The following MTUS2 variants were observed in gnomAD, a reference collection of about 807,000 sequenced individuals.
MTUS2 encodes microtubule-associated tumor suppressor candidate 2.
In MTUS2, 40 loss-of-function variants were observed where a neutral mutation model predicts 114.1. That is an observed-to-expected ratio of 0.35 (90% CI 0.27 to 0.46). MTUS2 has a LOEUF of 0.46. Ranked by LOEUF, MTUS2 falls within the 20% of genes least tolerant of loss-of-function variation. MTUS2 has a pLI of 1.00. For missense variants in MTUS2, 1,679 were observed against 1,705.4 expected, an observed-to-expected ratio of 0.98 and a Z score of 0.27; for synonymous variants, 688 against 672.0, an observed-to-expected ratio of 1.02 and a Z score of -0.37.
chr13:28,867,551 A>T (rs1877374170), intron 2 of MTUS2, among the ~76,000 whole-genome samples: 1 of 152,198 alleles, frequency 6.6e-6, no homozygotes, highest in African/African-American at 2.4e-5. Context: ...AACATATCCA[A>T]GGGAGGGAAA....
intron 4 of MTUS2, among the ~76,000 whole-genome samples, chr13:29,035,943 G>C (rs1335997579): frequency 6.6e-6 from 1 of 151,960 alleles, no homozygotes; most frequent in Non-Finnish European, 1.5e-5. Flanking sequence ...CCAGGAGTTT[G>C]AGACCAGCCT....
chr13:28,917,003 A>T (rs2935189), intron 2 of MTUS2, among the ~76,000 whole-genome samples: 34,283 of 151,766 alleles, frequency 0.23, 6,753 homozygotes, highest in African/African-American at 0.53. Context: ...TCAAATACAT[A>T]TTCAGTATCA....
At chr13:29,329,964 G>A (rs2138051093) in intron 7 of MTUS2, among the ~76,000 whole-genome samples, 1 of 152,270 alleles carries the variant, frequency 6.6e-6, no homozygotes, top group Non-Finnish European at 1.5e-5. Context: ...TATATATCCA[G>A]TAATGGAATT....
chr13:29,247,594 T>G (rs1196840657), intron 5 of MTUS2, among the ~76,000 whole-genome samples: 1 of 151,850 alleles, frequency 6.6e-6, no homozygotes, highest in Non-Finnish European at 1.5e-5. Context: ...GCAAAAGACA[T>G]AAATAGACAA....
Position 29,409,747 on chromosome 13 carries a change from A to G in MTUS2, c.3118-30236A>G, listed in dbSNP as rs116132827. Among the ~76,000 whole-genome samples the G allele has an allele frequency of 6.6e-3, 1,000 of 150,824 alleles. 13 individuals are homozygous for G. The highest frequency in any genetic ancestry group is 0.023 in the African/African-American group (956 of 41,168). ...CATCCTGCCTTCTTTGCTTTACAAT[A>G]TACTCTGGAAATCATGCCAGATAAG... On this transcript the variant is annotated intron_variant, in intron 8 of 15. Coordinates refer to ENST00000612955, the MANE Select transcript of MTUS2 (RefSeq NM_001033602.4).
At chr13:29,243,143 G>T (rs1896790262) in intron 5 of MTUS2, among the ~76,000 whole-genome samples, 1 of 152,208 alleles carries the variant, frequency 6.6e-6, no homozygotes, top group Non-Finnish European at 1.5e-5. Flanking sequence ...CGAAATCAAA[G>T]CTAGAAATAT....
At chr13:29,491,710 A>ATG (rs36231038) in intron 11 of MTUS2, among the ~76,000 whole-genome samples, 83,319 of 131,946 alleles carry the variant, frequency 0.63, 24,460 homozygotes, top group Non-Finnish European at 0.7. Flanking sequence ...TATTCGTGTG[A>ATG]TGTGTGTGGT....
intron 5 of MTUS2, among the ~76,000 whole-genome samples, chr13:29,169,995 A>G (rs1893485171): frequency 6.6e-6 from 1 of 152,202 alleles, no homozygotes; most frequent in Admixed American, 6.5e-5. Context: ...GTTGTTTGCT[A>G]ATGTTGATAT....
chr13:29,072,324 T>TA (rs1452618837), intron 4 of MTUS2, among the ~76,000 whole-genome samples: 1 of 152,196 alleles, frequency 6.6e-6, no homozygotes, highest in Non-Finnish European at 1.5e-5. Context: ...TTAGAGAGGA[T>TA]AAAAATACCT....
intron 2 of MTUS2, among the ~76,000 whole-genome samples, chr13:29,007,033 A>G (rs1885631819): frequency 6.6e-6 from 1 of 152,182 alleles, no homozygotes; most frequent in Admixed American, 6.5e-5. Flanking sequence ...TTTCAGCAAG[A>G]ACGTCCAATC....
In MTUS2 at chr13:29,505,749, GC is replaced by G. The variant is rs567062574; in HGVS notation, c.*2549del. The G allele has an allele frequency of 3.1e-5, 7 of 229,012 alleles. No individual in the cohort carries two copies. Among genetic ancestry groups the G allele is most frequent in the South Asian group, 1.8e-4 (1 of 5,486 alleles). 14.2% of individuals were successfully genotyped at this position (229,012 alleles called of 1,614,324 possible). A position where few individuals can be genotyped will look rare whatever the true frequency, so the allele number is the denominator to read the frequency against. ...CATTTGGGAGATGCGTGGGCGGCCT[GC>G]CCCCCGACCGCCGCCCCTGCCCACC... On this transcript the variant is annotated 3_prime_UTR_variant, in exon 16 of 16. Coordinates refer to ENST00000612955, the MANE Select transcript of MTUS2 (RefSeq NM_001033602.4).
chr13:29,314,628 A>T (rs1275684081), intron 6 of MTUS2, among the ~76,000 whole-genome samples: 1 of 152,202 alleles, frequency 6.6e-6, no homozygotes, highest in African/African-American at 2.4e-5. Flanking sequence ...ATATCTATGG[A>T]GATGAATAGA....
intron 2 of MTUS2, among the ~76,000 whole-genome samples, chr13:29,009,518 G>A (rs1013513381): frequency 2.0e-5 from 3 of 152,154 alleles, no homozygotes; most frequent in African/African-American, 7.2e-5. Flanking sequence ...TTCTGGAAAA[G>A]ACAAAACTAT....
intron 2 of MTUS2, among the ~76,000 whole-genome samples, chr13:28,892,958 T>C (rs1879021674): frequency 6.6e-6 from 1 of 152,114 alleles, no homozygotes; most frequent in Non-Finnish European, 1.5e-5. Flanking sequence ...ATGTGGAATT[T>C]AGATGTGAGG....
chr13:29,041,329 A>C (rs9550434), intron 4 of MTUS2, among the ~76,000 whole-genome samples: 1 of 152,142 alleles, frequency 6.6e-6, no homozygotes, highest in African/African-American at 2.4e-5. Flanking sequence ...TACCAGCACC[A>C]TACTGTTTTG....
At chr13:29,194,474 G>C (rs1208428491) in intron 5 of MTUS2, among the ~76,000 whole-genome samples, 2 of 152,116 alleles carry the variant, frequency 1.3e-5, no homozygotes, top group African/African-American at 4.8e-5. Flanking sequence ...CATTTTTGCA[G>C]CCAAAAAACA....
chr13:29,122,459 T>C (rs1218106453), intron 5 of MTUS2, among the ~76,000 whole-genome samples: 1 of 152,098 alleles, frequency 6.6e-6, no homozygotes, highest in Non-Finnish European at 1.5e-5. Context: ...AAAAGCCCCT[T>C]ACAAAACCAT....
At chr13:29,256,615 T>C (rs1038111266) in intron 5 of MTUS2, among the ~76,000 whole-genome samples, 1 of 152,258 alleles carries the variant, frequency 6.6e-6, no homozygotes, top group Non-Finnish European at 1.5e-5. Flanking sequence ...TCATATTTCA[T>C]TGGCTAAAAA....
At chr13:28,899,586 A>G (rs1879510534) in intron 2 of MTUS2, among the ~76,000 whole-genome samples, 1 of 151,350 alleles carries the variant, frequency 6.6e-6, no homozygotes, top group African/African-American at 2.4e-5. Flanking sequence ...ATTTTTTTGA[A>G]TTTTTAGTAG....
Sources: gnomAD v4.1 joint callset for allele counts (sites outside exome capture counted in the v4.1 genomes callset) on GRCh38, gnomAD v4.1.1 for gene constraint, MANE v1.5 for transcripts, NCBI Gene and HGNC (gene_info 2026-07-23, HGNC 2026-07-21) for gene names.